Variants in TNR observed in about 807,000 individuals in gnomAD.
TNR encodes the protein tenascin R.
TNR carries 45 observed loss-of-function variants against 150.4 expected under a neutral mutation model. That is an observed-to-expected ratio of 0.30 (90% CI 0.24 to 0.38). The LOEUF is 0.38. TNR is among the 10% of genes least tolerant of loss of function. The pLI, the probability that TNR is intolerant of heterozygous loss-of-function variation, is 1.00. For missense variants in TNR, 1,544 were observed against 1,759.1 expected (o/e 0.88, Z 2.19); for synonymous variants, 687 against 678.4 (o/e 1.01, Z -0.20).
chr1:175,324,664 G>T, intron 21 of TNR, 145 bp from the exon 22 acceptor site: 2 of 943,514 alleles, frequency 2.1e-6, no homozygotes, highest in Non-Finnish European at 1.6e-6. Flanking sequence ...TGGCTGTGCT[G>T]AACTCTTACT....
intron 1 of TNR, among the ~76,000 whole-genome samples, chr1:175,607,440 G>A (rs570650277): frequency 5.9e-5 from 9 of 152,338 alleles, no homozygotes; most frequent in African/African-American, 2.2e-4. Context: ...CTTGGAGAAA[G>A]GTAAAGATTG....
At chr1:175,591,375 G>A (rs1019224788) in intron 1 of TNR, among the ~76,000 whole-genome samples, 1 of 152,174 alleles carries the variant, frequency 6.6e-6, no homozygotes, top group East Asian at 1.9e-4. Context: ...GGATTAATAA[G>A]CCCTTGAGAC....
intron 1 of TNR, among the ~76,000 whole-genome samples, chr1:175,680,971 C>T (rs1666016700): frequency 6.6e-6 from 1 of 152,094 alleles, no homozygotes; most frequent in Non-Finnish European, 1.5e-5. Context: ...GTTGTTTCCC[C>T]CTGTGCAAAT....
intron 18 of TNR, among the ~76,000 whole-genome samples, chr1:175,339,922 A>G (rs1378138642): frequency 6.6e-6 from 1 of 152,234 alleles, no homozygotes. Context: ...TTTAATATTT[A>G]TATTACAGAT....
chr1:175,493,720 T>TG (rs1401505920), intron 2 of TNR, among the ~76,000 whole-genome samples: 3 of 152,020 alleles, frequency 2.0e-5, no homozygotes, highest in Non-Finnish European at 4.4e-5. Flanking sequence ...GACACTAAGG[T>TG]GGGGGGTAGT....
chr1:175,713,442 A>G (rs1051914237), intron 1 of TNR, among the ~76,000 whole-genome samples: 2 of 152,024 alleles, frequency 1.3e-5, no homozygotes, highest in African/African-American at 4.8e-5. Context: ...AAATCCATTC[A>G]CTATTTCTAT....
At chr1:175,595,742 G>C (rs2101842075) in intron 1 of TNR, among the ~76,000 whole-genome samples, 1 of 152,278 alleles carries the variant, frequency 6.6e-6, no homozygotes, top group East Asian at 1.9e-4. Flanking sequence ...TCGATTCCTA[G>C]CTAGTTAAAA....
intron 9 of TNR, among the ~76,000 whole-genome samples, chr1:175,377,247 T>A (rs556895610): frequency 6.6e-6 from 1 of 152,178 alleles, no homozygotes; most frequent in African/African-American, 2.4e-5. Flanking sequence ...ATAAGAGAGA[T>A]GATCAGTGAG....
In TNR at chr1:175,599,898, T is replaced by C. The variant is rs147332848; in HGVS notation, c.-164-71529A>G. On this transcript the variant is annotated intron_variant, in intron 1 of 22. Coordinates refer to ENST00000367674, the MANE Select transcript of TNR (RefSeq NM_003285.3). This position sits in a 1 kb window ranked among gnomAD's most constrained non-coding sequence, Gnocchi z 4.7. ...AGGCAACCCCTCGGCGTGGGGATGC[T>C]GAGGCAGGCAAGAGACTGGGGCCGG... Among the ~76,000 whole-genome samples the C allele has an allele frequency of 6.6e-6, 1 of 152,268 alleles. No homozygotes were observed. The highest frequency in any genetic ancestry group is 1.5e-5 in the Non-Finnish European group (1 of 67,994).
At chr1:175,480,441 A>AAGAG (rs796791464) in intron 2 of TNR, among the ~76,000 whole-genome samples, 1 of 137,012 alleles carries the variant, frequency 7.3e-6, no homozygotes, top group Non-Finnish European at 1.6e-5. Context: ...GAAAGAAAGA[A>AAGAG]AGAGAAAGAA....
At chr1:175,684,270 G>A (rs1666123740) in intron 1 of TNR, among the ~76,000 whole-genome samples, 1 of 152,150 alleles carries the variant, frequency 6.6e-6, no homozygotes, top group African/African-American at 2.4e-5. Context: ...CAGGCCCTGT[G>A]TTAGGTGCTA....
At chr1:175,361,279 G>A (rs1013233732) in intron 14 of TNR, among the ~76,000 whole-genome samples, 2 of 152,198 alleles carry the variant, frequency 1.3e-5, no homozygotes. Flanking sequence ...TTGGGGATAG[G>A]AGGCTCTTGA....
At chr1:175,608,961 A>G (rs1026946135) in intron 1 of TNR, among the ~76,000 whole-genome samples, 6 of 152,180 alleles carry the variant, frequency 3.9e-5, no homozygotes, top group African/African-American at 1.4e-4. Context: ...AGAAATTCTG[A>G]TCCTGGGCAA....
chr1:175,425,745 AT>A (rs905236232), intron 2 of TNR, among the ~76,000 whole-genome samples: 9 of 151,100 alleles, frequency 6.0e-5, no homozygotes, highest in South Asian at 2.1e-4. Flanking sequence ...AAAGAGTAGC[AT>A]TTTTTTTTCA....
rs369587431 is a variant in TNR at position 175,396,699 on chromosome 1, G to A, written c.1085C>T (p.Thr362Met). The part of the protein sequence containing the change: ...VTEYVISYQP[T>M]ALGGLQLQQR... The stretch of plus-strand genomic sequence containing the variant: ...CTGGAGCTGGAGGCCCCCCAGGGCC[G>A]TCGGCTGGTAAGAGATCACATATTC... The change falls in exon 5 of 23, where the codon ACG becomes ATG. Residue 362 changes from threonine to methionine, a missense_variant. Physicochemically the swap from Thr to Met is moderately conservative, Grantham distance 81 (BLOSUM62 -1). Transcript: ENST00000367674. 2.0e-5 allele frequency: 32 copies of A among 1,614,096 alleles called. No homozygotes were observed. The highest frequency in any genetic ancestry group is 2.5e-5 in the Non-Finnish European group (29 of 1,180,040).
intron 2 of TNR, among the ~76,000 whole-genome samples, chr1:175,518,723 A>G (rs1411944668): frequency 1.3e-5 from 2 of 152,150 alleles, no homozygotes; most frequent in Non-Finnish European, 2.9e-5. Context: ...CATCATCTAC[A>G]TTATAACTCC....
At chr1:175,643,264 G>T (rs745430995) in intron 1 of TNR, among the ~76,000 whole-genome samples, 10 of 152,170 alleles carry the variant, frequency 6.6e-5, no homozygotes, top group Non-Finnish European at 1.3e-4. Flanking sequence ...CCTCTCAGTT[G>T]TAAGAGGACT....
chr1:175,497,111 T>C (rs1177576867), intron 2 of TNR, among the ~76,000 whole-genome samples: 1 of 152,256 alleles, frequency 6.6e-6, no homozygotes, highest in Non-Finnish European at 1.5e-5. Context: ...TGTCTAGGCA[T>C]TCTTCTTTTC....
intron 1 of TNR, among the ~76,000 whole-genome samples, chr1:175,573,369 GCAGCAGT>G (rs1298842965): frequency 6.6e-6 from 1 of 152,236 alleles, no homozygotes; most frequent in Non-Finnish European, 1.5e-5. Context: ...AGCTAGCACT[GCAGCAGT>G]CGTGTGGGAG....
Sources: gnomAD v4.1 joint callset for allele counts (sites outside exome capture counted in the v4.1 genomes callset) on GRCh38, gnomAD v4.1.1 for gene constraint, Gnocchi (gnomAD v3.1) non-coding constraint, MANE v1.5 for transcripts, NCBI Gene and HGNC (gene_info 2026-07-23, HGNC 2026-07-21) for gene names.